The following CRLF3 variants were observed in gnomAD, a reference collection of about 807,000 sequenced individuals.
The protein encoded by CRLF3 is cytokine receptor-like factor 3.
A neutral mutation model predicts 55.0 loss-of-function variants in CRLF3; 33 were observed. That is an observed-to-expected ratio of 0.60 (90% CI 0.46 to 0.80). CRLF3 has a LOEUF of 0.80. Ranked by LOEUF, CRLF3 falls within the 30% of genes least tolerant of loss-of-function variation. CRLF3 has a pLI of 0.00. For missense variants in CRLF3, 494 were observed against 538.4 expected (o/e 0.92, Z 0.82); for synonymous variants, 238 against 196.8 (o/e 1.21, Z -1.75).
At chr17:30,824,488 G>C (rs760936622) in intron 1 of CRLF3, 35 bp downstream of exon 1, 1 of 1,558,008 alleles carries the variant, frequency 6.4e-7, no homozygotes, top group Admixed American at 1.8e-5. Flanking sequence ...GCCACCCCCG[G>C]GCCCACAGCG....
chr17:30,795,393 G>A (rs1971897919), intron 4 of CRLF3, among the ~76,000 whole-genome samples: 1 of 152,032 alleles, frequency 6.6e-6, no homozygotes, highest in South Asian at 2.1e-4. Context: ...CTACTTGGGA[G>A]GCTGAGGCAG....
In CRLF3 at chr17:30,803,689, C is replaced by A. The variant is rs185374807; in HGVS notation, c.337+212G>T. 1,697 of 552,392 alleles carry A rather than the reference C, an allele frequency of 3.1e-3. 14 individuals are homozygous for A. The highest frequency in any genetic ancestry group is 0.02 in the Middle Eastern group (40 of 2,042). The allele number at this position is 552,392 out of a possible 1,614,324, so 34.2% of individuals were successfully genotyped here. ...GATCTAATGGTATTTTAAGGGGAAA[C>A]CCCTTTCGCTTGGCTCTCATTCTCT... On this transcript the variant is annotated intron_variant, in intron 2 of 7. Transcript: ENST00000324238.
chr17:30,787,072 G>A (rs1179193994), intron 6 of CRLF3, among the ~76,000 whole-genome samples: 1 of 152,134 alleles, frequency 6.6e-6, no homozygotes, highest in Admixed American at 6.6e-5. Flanking sequence ...CTGACCTCAG[G>A]TGATCCACCC....
rs905801996 is a variant in CRLF3, at chr17:30,783,288, T to A, written c.*899A>T. The A allele has an allele frequency of 7.9e-5, 12 of 152,310 alleles. No homozygotes were observed. The highest frequency in any genetic ancestry group is 2.9e-4 in the African/African-American group (12 of 41,570). The allele number at this position is 152,310 out of a possible 1,614,324, so 9.4% of individuals were successfully genotyped here. A position where few individuals can be genotyped will look rare whatever the true frequency, so the allele number is the denominator to read the frequency against. On this transcript the variant is annotated 3_prime_UTR_variant, in exon 8 of 8. Coordinates refer to ENST00000324238, the MANE Select transcript of CRLF3 (RefSeq NM_015986.4). ...CAATGAAAGAACAAAAGGTACTACT[T>A]GCCTATTTTAGACACTTGGTCAAGC...
chr17:30,796,368 CCT>C (rs1162052657), intron 3 of CRLF3, 31 bp from the exon 4 acceptor site: 3 of 1,533,622 alleles, frequency 2.0e-6, no homozygotes. Context: ...TGTTATGAGA[CCT>C]CTAACTGAGA....
chr17:30,811,367 T>C (rs1345380595), intron 1 of CRLF3, among the ~76,000 whole-genome samples: 3 of 151,204 alleles, frequency 2.0e-5, no homozygotes, highest in Middle Eastern at 3.4e-3. Context: ...GGCAGGAGAA[T>C]CATTTGAGCT....
At chr17:30,817,917 A>AG (rs1904858626) in intron 1 of CRLF3, among the ~76,000 whole-genome samples, 1 of 150,980 alleles carries the variant, frequency 6.6e-6, no homozygotes, top group East Asian at 1.9e-4. Context: ...AAAAAAAAAA[A>AG]AAAAAAAAAA....
chr17:30,817,006 G>A (rs1486828052), intron 1 of CRLF3, among the ~76,000 whole-genome samples: 1 of 152,130 alleles, frequency 6.6e-6, no homozygotes. Flanking sequence ...CTGTATATGT[G>A]TGGCTTTTAT....
At chr17:30,800,001 A>G (rs755571838) in intron 2 of CRLF3, among the ~76,000 whole-genome samples, 36 of 152,178 alleles carry the variant, frequency 2.4e-4, no homozygotes, top group Non-Finnish European at 4.4e-4. Context: ...ATTGAAGACA[A>G]GACAAAAATG....
At chr17:30,818,421 G>A (rs1904877759) in intron 1 of CRLF3, among the ~76,000 whole-genome samples, 1 of 150,888 alleles carries the variant, frequency 6.6e-6, no homozygotes, top group African/African-American at 2.4e-5. Flanking sequence ...GGAAGTGGGA[G>A]ATAAAAGGAG....
chr17:30,821,393 G>C (rs1904995117), intron 1 of CRLF3, among the ~76,000 whole-genome samples: 1 of 150,478 alleles, frequency 6.6e-6, no homozygotes, highest in Admixed American at 6.6e-5. Context: ...TTTCTGAAAA[G>C]GTTAAACAAA....
intron 7 of CRLF3, 118 bp from the exon 8 acceptor site, chr17:30,784,561 A>C: frequency 1.2e-6 from 1 of 857,382 alleles, no homozygotes; most frequent in Non-Finnish European, 1.8e-6. Context: ...AAAATCTGGA[A>C]TGCCAACTGG....
intron 2 of CRLF3, among the ~76,000 whole-genome samples, chr17:30,801,759 C>G (rs1244747099): frequency 6.6e-6 from 1 of 151,988 alleles, no homozygotes; most frequent in African/African-American, 2.4e-5. Flanking sequence ...TCTCTTTTCC[C>G]TCTAGTCTTA....
rs1163517613 is a variant in CRLF3, at chr17:30,804,001, T to C, written c.237A>G (p.Gln79=). 4.3e-6 allele frequency: 7 copies of C among 1,612,840 alleles called. No homozygotes were observed. Among genetic ancestry groups the C allele is most frequent in the Non-Finnish European group, 5.9e-6 (7 of 1,179,776 alleles). The change falls in exon 2 of 8, where the codon CAA becomes CAG. Residue 79 remains glutamine, a synonymous_variant. Coordinates refer to ENST00000324238, the MANE Select transcript of CRLF3 (RefSeq NM_015986.4). Reference sequence around the variant, plus strand: ...TCTCCTGTTCAATGGTGTCCACCTCTTGCAAAAGGGTCACCAATCGCTCAT... The same window carrying C: ...TCTCCTGTTCAATGGTGTCCACCTCCTGCAAAAGGGTCACCAATCGCTCAT... ...LLDERLVTLL[Q]EVDTIEQETI...
intron 6 of CRLF3, chr17:30,787,300 A>AT (rs1381493724): frequency 6.6e-6 from 1 of 152,162 alleles, no homozygotes; most frequent in African/African-American, 2.4e-5. Flanking sequence ...TTTGATTACT[A>AT]TTTGTTAAGT....
intron 1 of CRLF3, among the ~76,000 whole-genome samples, chr17:30,816,887 T>C (rs548033723): frequency 2.1e-4 from 32 of 152,258 alleles, no homozygotes; most frequent in Admixed American, 5.2e-4. Context: ...CTAGGAGCAA[T>C]AGAATATACC....
intron 1 of CRLF3, among the ~76,000 whole-genome samples, chr17:30,821,616 G>A (rs1046218643): frequency 2.0e-5 from 3 of 152,184 alleles, no homozygotes; most frequent in Middle Eastern, 3.2e-3. Flanking sequence ...TTGAAGTACT[G>A]TTACATGCTA....
intron 1 of CRLF3, among the ~76,000 whole-genome samples, chr17:30,821,450 T>A (rs1020660062): frequency 2.0e-5 from 3 of 152,094 alleles, no homozygotes; most frequent in Non-Finnish European, 4.4e-5. Context: ...CTAAAACAAC[T>A]GAAAACATGT....
intron 1 of CRLF3, among the ~76,000 whole-genome samples, chr17:30,805,233 T>C (rs1904359808): frequency 6.6e-6 from 1 of 151,970 alleles, no homozygotes; most frequent in African/African-American, 2.4e-5. Context: ...TGAGGATAAA[T>C]TAAAATAATC....
Sources: allele counts gnomAD v4.1 joint callset (sites outside exome capture counted in the v4.1 genomes callset), GRCh38; gene constraint gnomAD v4.1.1; transcripts MANE v1.5; gene names NCBI Gene and HGNC (gene_info 2026-07-23, HGNC 2026-07-21).